Variants in MAP3K3 observed in about 807,000 individuals in gnomAD.
The protein encoded by MAP3K3 is MAP/ERK kinase kinase 3.
MAP3K3 carries 12 observed loss-of-function variants against 80.9 expected under a neutral mutation model. That is an observed-to-expected ratio of 0.15 (90% confidence interval 0.10 to 0.24). The LOEUF (loss-of-function observed/expected upper bound fraction) is 0.24. Among genes scored for constraint, MAP3K3 ranks in the 10% least tolerant of loss-of-function variants. The pLI, the probability that MAP3K3 is intolerant of heterozygous loss-of-function variation, is 1.00. For missense variants in MAP3K3, 596 were observed against 834.7 expected, an observed-to-expected ratio of 0.71 and a Z score of 3.52; for synonymous variants, 272 against 307.1, an observed-to-expected ratio of 0.89 and a Z score of 1.19.
chr17:63,641,535 C>T (rs9904589), intron 2 of MAP3K3, among the ~76,000 whole-genome samples: 2 of 152,116 alleles, frequency 1.3e-5, no homozygotes, highest in African/African-American at 4.8e-5. Flanking sequence ...CACGCCCAGC[C>T]TAGTGCAGTT....
At chr17:63,664,084 TA>T (rs1426639830) in intron 5 of MAP3K3, among the ~76,000 whole-genome samples, 1 of 144,736 alleles carries the variant, frequency 6.9e-6, no homozygotes, top group Non-Finnish European at 1.5e-5. Context: ...CTACTAAAAA[TA>T]CAAAAAAAAA....
chr17:63,637,185 G>C, intron 2 of MAP3K3: 99 of 140,544 alleles, frequency 7.0e-4, no homozygotes, highest in East Asian at 1.8e-3. Flanking sequence ...TAAAAACTGA[G>C]ACCAACCAAA....
At chr17:63,637,884 T>C (rs757888966) in intron 2 of MAP3K3, among the ~76,000 whole-genome samples, 26 of 152,200 alleles carry the variant, frequency 1.7e-4, no homozygotes, top group Non-Finnish European at 3.1e-4. Flanking sequence ...GAGTGGGTGC[T>C]TCAGAACAGA....
intron 5 of MAP3K3, among the ~76,000 whole-genome samples, chr17:63,663,797 C>T (rs1023848807): frequency 2.0e-5 from 3 of 152,030 alleles, no homozygotes; most frequent in Non-Finnish European, 4.4e-5. Context: ...GAGGCTGAGG[C>T]GGGAGGATCA....
chr17:63,677,799 T>A (rs1042049187), intron 6 of MAP3K3, among the ~76,000 whole-genome samples: 1 of 152,194 alleles, frequency 6.6e-6, no homozygotes, highest in South Asian at 2.1e-4. Context: ...CCCAAGGAGT[T>A]TGGGGCTACA....
rs1201357322 is a variant in MAP3K3 at position 63,622,761 on chromosome 17, T to TGGGTAAGTGTCGCCACCGC, written c.3_4+17dup. ...GCCACCGCCGCCGCCATCGCCACCA[T>TGGGTAAGTGTCGCCACCGC]GGGTAAGTGTCGCCACCGCCCCGGC... is the stretch of plus-strand genomic sequence containing the variant. On this transcript the variant is annotated frameshift_variant and start_lost and splice_region_variant, in exon 1 of 16. Coordinates refer to ENST00000361733, the MANE Select transcript of MAP3K3 (RefSeq NM_002401.5). LOFTEE classifies it high-confidence loss of function. 5.7e-6 allele frequency: 3 copies of TGGGTAAGTGTCGCCACCGC among 527,808 alleles called. No individual in the cohort carries two copies. In the African/African-American group the frequency reaches 6.1e-5, roughly 11 times the overall value. 32.7% of individuals were successfully genotyped at this position (527,808 alleles called of 1,614,324 possible).
intron 5 of MAP3K3, among the ~76,000 whole-genome samples, chr17:63,661,979 T>C (rs1318615021): frequency 6.6e-6 from 1 of 152,118 alleles, no homozygotes; most frequent in Non-Finnish European, 1.5e-5. Context: ...GGCAGGTGCC[T>C]GTAGTCCCAG....
At chr17:63,667,125 A>G in intron 6 of MAP3K3, 65 bp downstream of exon 6, 2 of 1,468,394 alleles carry the variant, frequency 1.4e-6, no homozygotes, top group Non-Finnish European at 1.8e-6. Context: ...AAAAGCAACA[A>G]GTATTTGTTA....
In MAP3K3 at chr17:63,653,361, G is replaced by A. The variant is rs75906165; in HGVS notation, c.267+705G>A. Among the ~76,000 whole-genome samples the A allele has an allele frequency of 6.8e-3, 1,040 of 152,310 alleles. 13 individuals are homozygous for A. Among genetic ancestry groups the A allele is most frequent in the Middle Eastern group, 0.031 (9 of 294 alleles). On this transcript the variant is annotated intron_variant, in intron 4 of 15. Coordinates refer to ENST00000361733, the MANE Select transcript of MAP3K3 (RefSeq NM_002401.5). ...GTACCTCGAGGAAATTGAGTTAGGGGTGCAAGACAAGAAAGCTGGGCAACA... is the reference window on the plus strand; with the variant it reads ...GTACCTCGAGGAAATTGAGTTAGGGATGCAAGACAAGAAAGCTGGGCAACA...
Position 63,671,513 on chromosome 17 carries a change from C to T in MAP3K3, c.502+4453C>T, listed in dbSNP as rs529665176. ...TTGTGATCCACCTGCCTCAGCCTCC[C>T]AAAGTGCTGGGATTACAGGAGTGAG... On this transcript the variant is annotated intron_variant, in intron 6 of 15. Coordinates refer to ENST00000361733, the MANE Select transcript of MAP3K3 (RefSeq NM_002401.5). Among the ~76,000 whole-genome samples, 10 of 152,188 alleles carry T rather than the reference C, an allele frequency of 6.6e-5. No homozygotes were observed. The Middle Eastern group carries it at 0.014, about 207-fold the overall frequency.
intron 3 of MAP3K3, among the ~76,000 whole-genome samples, chr17:63,649,450 T>C (rs1020972177): frequency 1.6e-4 from 11 of 68,144 alleles, no homozygotes; most frequent in African/African-American, 1.4e-3. Context: ...AAAAAAAAAG[T>C]AGACAGGATC....
chr17:63,664,394 A>G (rs2034960303), intron 5 of MAP3K3, among the ~76,000 whole-genome samples: 1 of 152,204 alleles, frequency 6.6e-6, no homozygotes. Flanking sequence ...CCATTAAAAC[A>G]GAGGACTGGA....
intron 5 of MAP3K3, among the ~76,000 whole-genome samples, chr17:63,659,110 G>T (rs1403543305): frequency 6.6e-6 from 1 of 152,116 alleles, no homozygotes; most frequent in Admixed American, 6.5e-5. Flanking sequence ...GAGCTCAAAT[G>T]ATCCACCCAC....
chr17:63,643,090 TAAAC>T lies in MAP3K3; in HGVS notation c.127-2940_127-2937del, dbSNP rs1387875376. 1.5e-4 allele frequency among the ~76,000 whole-genome samples: 23 copies of T among 149,964 alleles called. No individual in the cohort carries two copies. The South Asian group carries it at 2.7e-3, about 18-fold the overall frequency. On this transcript the variant is annotated intron_variant, in intron 2 of 15. Coordinates refer to ENST00000361733, the MANE Select transcript of MAP3K3 (RefSeq NM_002401.5). ...TCTAAAAATGAAAAAAAAAAAAAAT[TAAAC>T]AAAAACAAAAACCTGAGGAAATATG... is the stretch of plus-strand genomic sequence containing the variant.
rs2035666277 is a variant in MAP3K3, at chr17:63,695,103, AAAAAG to A, written c.*1327_*1331del. ...TGTCATTAAAGGAAAAAAAAAAAAA[AAAAAG>A]CCAGTGCCCAGGGATGGGCATCTCC... On this transcript the variant is annotated 3_prime_UTR_variant, in exon 16 of 16. Transcript: ENST00000361733. This position sits in a 1 kb window ranked among gnomAD's most constrained non-coding sequence, Gnocchi z 4.1. 2 of 152,310 alleles carry A rather than the reference AAAAAG, an allele frequency of 1.3e-5. No homozygotes were observed. Among genetic ancestry groups the A allele is most frequent in the African/African-American group, 4.8e-5 (2 of 41,358 alleles). The allele number at this position is 152,310 out of a possible 1,614,324, so 9.4% of individuals were successfully genotyped here. A position where few individuals can be genotyped will look rare whatever the true frequency, so the allele number is the denominator to read the frequency against.
At position 63,690,890 on chromosome 17, in the gene MAP3K3, C is replaced by G. The variant is rs146925306; in HGVS notation, c.1213-212C>G. The G allele has an allele frequency of 3.6e-3, 2,102 of 591,774 alleles. 5 individuals carry two copies. The highest frequency in any genetic ancestry group is 4.9e-3 in the Non-Finnish European group (1,652 of 336,186). The allele number at this position is 591,774 out of a possible 1,614,324, so 36.7% of individuals were successfully genotyped here. Reference sequence around the variant, plus strand: ...CACCCACGGCCCCTTCTCCCACCTCCCTGCCTCCTTCCACCCATGGGAGTG... The same window carrying G: ...CACCCACGGCCCCTTCTCCCACCTCGCTGCCTCCTTCCACCCATGGGAGTG... On this transcript the variant is annotated intron_variant, in intron 12 of 15. Coordinates refer to ENST00000361733, the MANE Select transcript of MAP3K3 (RefSeq NM_002401.5).
chr17:63,659,525 CTTTTTTTT>C (rs57166616), intron 5 of MAP3K3, among the ~76,000 whole-genome samples: 8 of 64,576 alleles, frequency 1.2e-4, no homozygotes, highest in Admixed American at 1.2e-3. Flanking sequence ...CTGTCATGGA[CTTTTTTTT>C]TTTTTTTTTT....
intron 4 of MAP3K3, among the ~76,000 whole-genome samples, chr17:63,654,929 A>G (rs1598085905): frequency 1.3e-5 from 2 of 152,248 alleles, no homozygotes; most frequent in East Asian, 1.9e-4. Context: ...CCAGCTACTC[A>G]GGAGCCTGAG....
At chr17:63,660,819 C>T (rs1023142022) in intron 5 of MAP3K3, among the ~76,000 whole-genome samples, 15 of 152,086 alleles carry the variant, frequency 9.9e-5, no homozygotes, top group Non-Finnish European at 2.1e-4. Flanking sequence ...TGGTCTTGAA[C>T]TCCCGACCTC....
Sources: gnomAD v4.1 joint callset for allele counts (sites outside exome capture counted in the v4.1 genomes callset) on GRCh38, gnomAD v4.1.1 for gene constraint, Gnocchi (gnomAD v3.1) non-coding constraint, MANE v1.5 for transcripts, NCBI Gene and HGNC (gene_info 2026-07-23, HGNC 2026-07-21) for gene names.